Variants in MARS1 observed in about 807,000 individuals in gnomAD.
The protein encoded by MARS1 is methionyl-tRNA synthetase 1.
In MARS1, 80 loss-of-function variants were observed where a neutral mutation model predicts 119.5. The ratio of observed to expected loss-of-function variants is 0.67; its 90% confidence interval spans 0.56 to 0.81. The LOEUF is 0.81. MARS1 is among the 30% of genes least tolerant of loss of function. The pLI, the probability that MARS1 is intolerant of heterozygous loss-of-function variation, is 0.00. For synonymous variants in MARS1, 418 were observed against 433.4 expected (o/e 0.96, Z 0.44); for missense variants, 945 against 1,116.5 (o/e 0.85, Z 2.19).
At chr12:57,489,751 G>C in intron 4 of MARS1, 145 bp from the exon 5 acceptor site, 1 of 1,058,830 alleles carries the variant, frequency 9.4e-7, no homozygotes. Context: ...ATCTCAGTGA[G>C]TTATTGTGAG....
At chr12:57,493,627 T>A (rs371319864) in intron 7 of MARS1, among the ~76,000 whole-genome samples, 13 of 22,980 alleles carry the variant, frequency 5.7e-4, no homozygotes, top group African/African-American at 3.6e-3. Context: ...ATAATATATA[T>A]TATATATAAT....
intron 11 of MARS1, among the ~76,000 whole-genome samples, chr12:57,506,800 C>G (rs868081138): frequency 6.6e-6 from 1 of 151,232 alleles, no homozygotes; most frequent in African/African-American, 2.4e-5. Context: ...TCTCAGCCTT[C>G]GAGTAGCTGG....
At chr12:57,505,805 C>CT (rs1482039294) in intron 11 of MARS1, among the ~76,000 whole-genome samples, 2 of 151,690 alleles carry the variant, frequency 1.3e-5, no homozygotes, top group Non-Finnish European at 2.9e-5. Context: ...GAGTGAGACT[C>CT]TATCTCTAAA....
At chr12:57,490,776 ATC>A (rs1875884996) in intron 7 of MARS1, 132 bp downstream of exon 7, 6 of 395,374 alleles carry the variant, frequency 1.5e-5, no homozygotes, top group East Asian at 8.1e-5. Context: ...TAATTCTTAC[ATC>A]TCTTTTTTTT....
In MARS1 at chr12:57,503,906, C is replaced by A. The variant is rs889815103; in HGVS notation, c.1294-319C>A. On this transcript the variant is annotated intron_variant, in intron 10 of 20. Transcript: ENST00000262027. ...GCTTCCTCAAAGAGAGGGGCTATGT[C>A]TTCACTTCATCACTCCTTCCTCCCC... 1.3e-3 allele frequency: 302 copies of A among 237,970 alleles called. 2 individuals are homozygous for A. Among genetic ancestry groups the A allele is most frequent in the Non-Finnish European group, 3.5e-4 (43 of 123,392 alleles). The allele number at this position is 237,970 out of a possible 1,614,324, so 14.7% of individuals were successfully genotyped here. A position where few individuals can be genotyped will look rare whatever the true frequency, so the allele number is the denominator to read the frequency against.
chr12:57,495,783 G>A lies in MARS1; in HGVS notation c.771-2374G>A, dbSNP rs539199807. The stretch of plus-strand genomic sequence containing the variant: ...GGAGGCCCAGGCGGGCAGATCACTC[G>A]CGGTCAGGAGCTGGAGACCAGCCCG... On this transcript the variant is annotated intron_variant, in intron 7 of 20. Transcript: ENST00000262027. Among the ~76,000 whole-genome samples the A allele has an allele frequency of 6.6e-5, 10 of 152,338 alleles. No individual in the cohort carries two copies. In the East Asian group the frequency reaches 1.7e-3, roughly 26 times the overall value.
intron 14 of MARS1, 99 bp downstream of exon 14, chr12:57,512,452 G>C (rs1565650817): frequency 6.0e-6 from 5 of 836,470 alleles, no homozygotes; most frequent in Non-Finnish European, 9.9e-6. Flanking sequence ...CTTGAGTTAG[G>C]AGTTGAGCTG....
At position 57,512,110 on chromosome 12, in the gene MARS1, A is replaced by C. The variant is rs750804999; in HGVS notation, c.1635+7A>C. The C allele has an allele frequency of 6.2e-7, 1 of 1,613,910 alleles. No homozygotes were observed. The highest frequency in any genetic ancestry group is 8.5e-7 in the Non-Finnish European group (1 of 1,179,756). On this transcript the variant is annotated splice_region_variant and intron_variant, in intron 13 of 20. Coordinates refer to ENST00000262027, the MANE Select transcript of MARS1 (RefSeq NM_004990.4). ...GTGGAAGAACCCAGAGCAAGTGAGC[A>C]GTTCTTGGTTAGGCTGTGCATGGGG...
At chr12:57,509,022 AT>A (rs1877383286) in intron 11 of MARS1, among the ~76,000 whole-genome samples, 1 of 152,002 alleles carries the variant, frequency 6.6e-6, no homozygotes, top group African/African-American at 2.4e-5. Context: ...TTCTCCCTCC[AT>A]TTATTTTTTA....
At chr12:57,489,743 C>T (rs1007086958) in intron 4 of MARS1, 153 bp from the exon 5 acceptor site, 3 of 1,056,070 alleles carry the variant, frequency 2.8e-6, no homozygotes, top group African/African-American at 1.6e-5. Context: ...TAGTACCTAT[C>T]TCAGTGAGTT....
In MARS1 at chr12:57,498,232, G is replaced by T; in HGVS notation, c.846G>T (p.Gly282=). The T allele has an allele frequency of 6.2e-7, 1 of 1,614,170 alleles. No homozygotes were observed. Among genetic ancestry groups the T allele is most frequent in the Non-Finnish European group, 8.5e-7 (1 of 1,180,040 alleles). ...LPYVNNVPHL[G]NIIGCVLSAD... is the part of the protein sequence containing the mutation. ...ACGTCAACAATGTCCCCCACCTTGG[G>T]AACATCATTGGTTGTGTGCTCAGTG... The change falls in exon 8 of 21, where the codon GGG becomes GGT. Residue 282 remains glycine, a synonymous_variant. Coordinates refer to ENST00000262027, the MANE Select transcript of MARS1 (RefSeq NM_004990.4).
At position 57,508,337 on chromosome 12, in the gene MARS1, C is replaced by T. The variant is rs371394786; in HGVS notation, c.1369-3361C>T. On this transcript the variant is annotated intron_variant, in intron 11 of 20. Transcript: ENST00000262027. ...CTGGGAGGTGGAGGTTGTAGCGAGC[C>T]GAGATCACACCACTGCACTCCAGCC... Among the ~76,000 whole-genome samples the T allele has an allele frequency of 1.3e-3, 198 of 152,164 alleles. 4 individuals carry two copies. In the East Asian group the frequency reaches 0.029, roughly 22 times the overall value.
intron 7 of MARS1, among the ~76,000 whole-genome samples, chr12:57,495,101 C>A (rs1208687857): frequency 1.4e-5 from 2 of 147,062 alleles, no homozygotes; most frequent in East Asian, 4.3e-4. Context: ...GGTGCCCCCC[C>A]ACCTCCCGGG....
At position 57,515,305 on chromosome 12, in the gene MARS1, G is replaced by T; in HGVS notation, c.2360G>T (p.Cys787Phe). The change falls in exon 18 of 21, where the codon TGT (cysteine) becomes TTT (phenylalanine). Residue 787 changes from cysteine (C) to phenylalanine (F), a missense_variant. Physicochemically the swap from Cys to Phe is radical, Grantham distance 205. Coordinates refer to ENST00000262027, the MANE Select transcript of MARS1 (RefSeq NM_004990.4). The part of the protein sequence containing the change: ...ACSILLTNFL[C>F]TLPAGHQIGT... ...AGTATCCTGCTGACAAACTTCCTGTGTACCTTACCAGCAGGACACCAGATT... is the reference window on the plus strand; with the variant it reads ...AGTATCCTGCTGACAAACTTCCTGTTTACCTTACCAGCAGGACACCAGATT... 6.2e-7 allele frequency: 1 copy of T among 1,613,476 alleles called. No homozygotes were observed. The highest frequency in any genetic ancestry group is 8.5e-7 in the Non-Finnish European group (1 of 1,180,032).
intron 11 of MARS1, 108 bp from the exon 12 acceptor site, chr12:57,511,590 A>G (rs1201280416): frequency 8.4e-7 from 1 of 1,191,768 alleles, no homozygotes; most frequent in Non-Finnish European, 1.2e-6. Context: ...CTCCAAAAAA[A>G]AAGTTATATA....
rs140467171 is a variant in MARS1 at position 57,500,337 on chromosome 12, T to C, written c.1108T>C (p.Phe370Leu). 44 of 1,614,074 alleles carry C rather than the reference T, an allele frequency of 2.7e-5. No individual in the cohort carries two copies. Among genetic ancestry groups the C allele is most frequent in the Non-Finnish European group, 3.6e-5 (42 of 1,180,024 alleles). Residue 370 changes from phenylalanine to leucine, a missense_variant, in exon 10 of 21, where the codon TTC (phenylalanine) becomes CTC (leucine). By Grantham distance (22) the Phe-to-Leu change is conservative. Transcript: ENST00000262027. ...PQQTKITQDI[F>L]QQLLKRGFVL... ...CCTCACCAGAATCACCCAGGACATTTTCCAGCAGTTGCTGAAACGAGGTTT... is the reference window on the plus strand; with the variant it reads ...CCTCACCAGAATCACCCAGGACATTCTCCAGCAGTTGCTGAAACGAGGTTT...
chr12:57,515,109 T>C, intron 17 of MARS1, 41 bp from the exon 18 acceptor site: 1 of 1,614,018 alleles, frequency 6.2e-7, no homozygotes, highest in Non-Finnish European at 8.5e-7. Flanking sequence ...TTGTAAGCTG[T>C]ATCCTCCTGG....
intron 11 of MARS1, among the ~76,000 whole-genome samples, chr12:57,509,436 T>C (rs1035332954): frequency 6.6e-6 from 1 of 152,192 alleles, no homozygotes; most frequent in African/African-American, 2.4e-5. Flanking sequence ...TGAGACAGGG[T>C]CTTGCTGTCA....
At position 57,489,310 on chromosome 12, in the gene MARS1, A is replaced by C. The variant is rs758051760; in HGVS notation, c.244A>C (p.Asn82His). ...TGGCTGGGAGCAAGATGACCTCACT[A>C]ACCAGTGGCTGGAATGGGAAGCGAC... ...LSGWEQDDLTNQWLEWEATEL... is the reference protein window; with the variant it reads ...LSGWEQDDLTHQWLEWEATEL... Residue 82 changes from asparagine to histidine, a missense_variant, in exon 3 of 21, where the codon AAC (asparagine) becomes CAC (histidine). Physicochemically the swap from Asn to His is moderately conservative, Grantham distance 68. Coordinates refer to ENST00000262027, the MANE Select transcript of MARS1 (RefSeq NM_004990.4). The C allele has an allele frequency of 1.9e-6, 3 of 1,613,952 alleles. No homozygotes were observed. The Admixed American group carries it at 5.0e-5, about 27-fold the overall frequency.
Sources: allele counts gnomAD v4.1 joint callset (sites outside exome capture counted in the v4.1 genomes callset), GRCh38; gene constraint gnomAD v4.1.1; transcripts MANE v1.5; gene names NCBI Gene and HGNC (gene_info 2026-07-23, HGNC 2026-07-21).